The following TENM3 variants were observed in gnomAD, a reference collection of about 807,000 sequenced individuals.
The protein encoded by TENM3 is teneurin transmembrane protein 3.
TENM3 carries 63 observed loss-of-function variants against 255.1 expected under a neutral mutation model. That is an observed-to-expected ratio of 0.25 (90% CI 0.20 to 0.30). TENM3 has a LOEUF of 0.30. Ranked by LOEUF, TENM3 falls within the 10% of genes least tolerant of loss-of-function variation. The probability of loss-of-function intolerance (pLI) is 1.00; values close to 1 mark genes in which losing one functional copy is unlikely to be tolerated. For missense variants in TENM3, 2,929 were observed against 3,461.1 expected, an observed-to-expected ratio of 0.85 and a Z score of 3.86; for synonymous variants, 1,306 against 1,322.3, an observed-to-expected ratio of 0.99 and a Z score of 0.27.
At position 182,212,220 on chromosome 4, in the gene TENM3, C is replaced by T. The variant is rs1031315; in HGVS notation, c.-76+67466C>T. ...ACCAAGACTGATACTGAGCTGTGCC[C>T]GGCTCCCTGGGAGCTTGCTGTGATG... On this transcript the variant is annotated intron_variant, in intron 1 of 2. Coordinates refer to the TENM3 transcript ENST00000512480. 5.8e-3 allele frequency among the ~76,000 whole-genome samples: 882 copies of T among 152,264 alleles called. 4 individuals are homozygous for T. The highest frequency in any genetic ancestry group is 0.02 in the African/African-American group (840 of 41,564).
At chr4:182,751,031 A>G (rs1291324873) in intron 19 of TENM3, among the ~76,000 whole-genome samples, 3 of 152,208 alleles carry the variant, frequency 2.0e-5, no homozygotes, top group Non-Finnish European at 4.4e-5. Context: ...AATGGGACAT[A>G]AAATGTTTTA....
chr4:182,161,732 T>C (rs371776364), intron 1 of TENM3, among the ~76,000 whole-genome samples: 1 of 55,174 alleles, frequency 1.8e-5, no homozygotes, highest in Non-Finnish European at 3.3e-5. Context: ...TATATATATA[T>C]ACACAAATAT....
At chr4:182,236,603 A>G (rs998110486) in intron 1 of TENM3, among the ~76,000 whole-genome samples, 4 of 152,238 alleles carry the variant, frequency 2.6e-5, no homozygotes, top group African/African-American at 4.8e-5. Context: ...ATGTATACGG[A>G]AAATGTATGT....
At chr4:182,151,585 A>G (rs1406629204) in intron 1 of TENM3, among the ~76,000 whole-genome samples, 1 of 152,096 alleles carries the variant, frequency 6.6e-6, no homozygotes. Context: ...TTCAGAATTT[A>G]TAATAACTTC....
the TENM3 span, among the ~76,000 whole-genome samples, chr4:182,121,624 T>C: frequency 6.6e-6 from 1 of 152,344 alleles, no homozygotes; most frequent in Admixed American, 6.5e-5. Context: ...AATAGCATTA[T>C]GTCTAAAAAA....
chr4:182,186,301 G>T (rs1261253706), intron 1 of TENM3, among the ~76,000 whole-genome samples: 1 of 152,046 alleles, frequency 6.6e-6, no homozygotes, highest in Non-Finnish European at 1.5e-5. Flanking sequence ...GGTTGATGGG[G>T]CCAAGAGATG....
At chr4:182,644,011 G>A (rs147482034) in intron 5 of TENM3, among the ~76,000 whole-genome samples, 3 of 152,210 alleles carry the variant, frequency 2.0e-5, no homozygotes, top group East Asian at 1.9e-4. Flanking sequence ...ATTAAACAGC[G>A]TTTAGCCAAC....
the TENM3 span, among the ~76,000 whole-genome samples, chr4:181,917,708 C>T: frequency 6.8e-6 from 1 of 146,016 alleles, no homozygotes; most frequent in East Asian, 2.0e-4. Context: ...GTGGCCCAGG[C>T]TGGAATGCAG....
At chr4:181,798,072 A>G in the TENM3 span, among the ~76,000 whole-genome samples, 2 of 146,030 alleles carry the variant, frequency 1.4e-5, no homozygotes, top group South Asian at 2.3e-4. Context: ...AGGACATGTT[A>G]ACGCATATTT....
intron 16 of TENM3, among the ~76,000 whole-genome samples, chr4:182,734,073 G>A (rs759370564): frequency 1.7e-4 from 26 of 152,162 alleles, no homozygotes; most frequent in African/African-American, 5.3e-4. Context: ...AGAAGAAGAC[G>A]TGCATCCTGC....
the TENM3 span, among the ~76,000 whole-genome samples, chr4:181,736,553 A>C: frequency 7.2e-5 from 11 of 151,990 alleles, no homozygotes; most frequent in African/African-American, 2.7e-4. Context: ...AACTGTTCAA[A>C]AAATTTTCCT....
At chr4:182,016,815 T>G in the TENM3 span, among the ~76,000 whole-genome samples, 1 of 152,248 alleles carries the variant, frequency 6.6e-6, no homozygotes, top group African/African-American at 2.4e-5. Flanking sequence ...GTATTCACTT[T>G]AGATTGTCTT....
At chr4:181,537,180 G>T in the TENM3 span, among the ~76,000 whole-genome samples, 1 of 151,996 alleles carries the variant, frequency 6.6e-6, no homozygotes, top group South Asian at 2.1e-4. Flanking sequence ...GTTGGGCTTT[G>T]ATTAAGAAAG....
At chr4:181,848,841 G>A in the TENM3 span, among the ~76,000 whole-genome samples, 4 of 152,028 alleles carry the variant, frequency 2.6e-5, no homozygotes, top group African/African-American at 4.8e-5. Context: ...TGTCAAACAC[G>A]GTTTGGGGCA....
chr4:182,737,220 T>G, intron 17 of TENM3, 145 bp downstream of exon 17: 1 of 864,216 alleles, frequency 1.2e-6, no homozygotes, highest in Non-Finnish European at 1.8e-6. Flanking sequence ...CTTGGCTGGT[T>G]TAGATCTACC....
At chr4:181,473,382 GT>G in the TENM3 span, among the ~76,000 whole-genome samples, 1 of 152,030 alleles carries the variant, frequency 6.6e-6, no homozygotes, top group Admixed American at 6.6e-5. Flanking sequence ...GAGCCCAGGA[GT>G]TTGAGACCAG....
At chr4:181,773,896 C>G in the TENM3 span, among the ~76,000 whole-genome samples, 1 of 152,010 alleles carries the variant, frequency 6.6e-6, no homozygotes, top group African/African-American at 2.4e-5. Context: ...TGCAGTATTC[C>G]CCGTGAAGAA....
At chr4:181,759,279 A>G in the TENM3 span, among the ~76,000 whole-genome samples, 4 of 152,152 alleles carry the variant, frequency 2.6e-5, no homozygotes, top group Non-Finnish European at 5.9e-5. Context: ...TCATGTGATA[A>G]TAAGTGTAAA....
chr4:181,519,760 G>T, the TENM3 span, among the ~76,000 whole-genome samples: 2 of 152,142 alleles, frequency 1.3e-5, no homozygotes, highest in African/African-American at 2.4e-5. Flanking sequence ...AATTGTTCGT[G>T]GGGGCTGGGT....
Sources: gnomAD v4.1 joint callset for allele counts (sites outside exome capture counted in the v4.1 genomes callset) on GRCh38, gnomAD v4.1.1 for gene constraint, MANE v1.5 for transcripts, NCBI Gene and HGNC (gene_info 2026-07-23, HGNC 2026-07-21) for gene names.